C8orf34: variants seen among roughly 807,000 people sequenced by gnomAD.
C8orf34 encodes the protein chromosome 8 open reading frame 34.
C8orf34 carries 65 observed loss-of-function variants against 68.3 expected under a neutral mutation model. The observed-to-expected ratio is 0.95, with a 90% CI of 0.78 to 1.17. The LOEUF is 1.17. Among genes scored for constraint, C8orf34 ranks in the 50% most tolerant of loss-of-function variants. C8orf34 has a pLI of 0.00. For missense variants in C8orf34, 664 were observed against 655.4 expected, an observed-to-expected ratio of 1.01 and a Z score of -0.14; for synonymous variants, 244 against 241.2, an observed-to-expected ratio of 1.01 and a Z score of -0.11.
intron 2 of C8orf34, among the ~76,000 whole-genome samples, chr8:68,445,960 T>C (rs1483447474): frequency 6.6e-6 from 1 of 152,094 alleles, no homozygotes; most frequent in Non-Finnish European, 1.5e-5. Flanking sequence ...CGGCTAATTT[T>C]TGTGTTTTTA....
intron 1 of C8orf34, among the ~76,000 whole-genome samples, chr8:68,400,357 A>G (rs1808893459): frequency 6.6e-6 from 1 of 152,054 alleles, no homozygotes; most frequent in African/African-American, 2.4e-5. Flanking sequence ...GTAGGAGATA[A>G]GAATCTAGTT....
chr8:68,620,692 GAA>G (rs1313320372), intron 7 of C8orf34, among the ~76,000 whole-genome samples: 1 of 149,154 alleles, frequency 6.7e-6, no homozygotes, highest in African/African-American at 2.5e-5. Flanking sequence ...AGTTTACTGG[GAA>G]AAAAAAAAAG....
chr8:68,810,399 T>C (rs1585917865), intron 12 of C8orf34, among the ~76,000 whole-genome samples: 1 of 152,240 alleles, frequency 6.6e-6, no homozygotes, highest in East Asian at 1.9e-4. Flanking sequence ...GCCTGTAATC[T>C]TGGAGATGCC....
At chr8:68,759,580 T>G (rs1822968149) in intron 10 of C8orf34, among the ~76,000 whole-genome samples, 1 of 152,198 alleles carries the variant, frequency 6.6e-6, no homozygotes, top group African/African-American at 2.4e-5. Flanking sequence ...AAGAAGTACC[T>G]TGTCGGGGTC....
chr8:68,601,558 C>A (rs191994955), intron 7 of C8orf34, among the ~76,000 whole-genome samples: 102 of 152,148 alleles, frequency 6.7e-4, no homozygotes, highest in African/African-American at 2.4e-3. Flanking sequence ...ATATTTTTAA[C>A]TTTTATAATT....
intron 10 of C8orf34, among the ~76,000 whole-genome samples, chr8:68,722,824 G>T (rs915732662): frequency 6.6e-6 from 1 of 151,946 alleles, no homozygotes; most frequent in African/African-American, 2.4e-5. Flanking sequence ...GCATAGTTTA[G>T]CAATAATTCC....
chr8:68,648,343 A>G (rs1819241501), intron 8 of C8orf34, among the ~76,000 whole-genome samples: 1 of 152,246 alleles, frequency 6.6e-6, no homozygotes, highest in Admixed American at 6.5e-5. Flanking sequence ...AATTGTGAGC[A>G]TTGCATTAAG....
intron 10 of C8orf34, among the ~76,000 whole-genome samples, chr8:68,774,010 G>A (rs552523588): frequency 1.3e-5 from 2 of 152,104 alleles, no homozygotes; most frequent in Non-Finnish European, 2.9e-5. Context: ...TTCAGTGAGC[G>A]CCCAGAAACT....
At chr8:68,774,184 A>G (rs997363193) in intron 10 of C8orf34, among the ~76,000 whole-genome samples, 2 of 152,100 alleles carry the variant, frequency 1.3e-5, no homozygotes, top group Non-Finnish European at 2.9e-5. Flanking sequence ...TGATTAGCAC[A>G]TAAAGGACTG....
chr8:68,770,436 A>G (rs1563659291), intron 10 of C8orf34, among the ~76,000 whole-genome samples: 1 of 152,254 alleles, frequency 6.6e-6, no homozygotes, highest in Non-Finnish European at 1.5e-5. Flanking sequence ...GACTAGTTCA[A>G]TGGTAAATGG....
chr8:68,402,425 T>G (rs1809001021), intron 1 of C8orf34, among the ~76,000 whole-genome samples: 1 of 152,138 alleles, frequency 6.6e-6, no homozygotes, highest in Non-Finnish European at 1.5e-5. Flanking sequence ...CTCTGATCAT[T>G]GTTATTTGTT....
At chr8:68,611,153 T>A (rs1354991034) in intron 7 of C8orf34, among the ~76,000 whole-genome samples, 81 of 152,260 alleles carry the variant, frequency 5.3e-4, no homozygotes, top group Non-Finnish European at 1.0e-4. Flanking sequence ...CGTGAGCCAC[T>A]GTGCCCAGCC....
Position 68,420,447 on chromosome 8 carries a change from G to A in C8orf34, c.328-19052G>A, listed in dbSNP as rs191650247. On this transcript the variant is annotated intron_variant, in intron 1 of 13. Transcript: ENST00000518698. ...TTGTTAGCATCCACAGGTACCAGGC[G>A]CTACTTTCTACTTTCTGGAGGAAGG... Among the ~76,000 whole-genome samples, 15 of 152,162 alleles carry A rather than the reference G, an allele frequency of 9.9e-5. No individual in the cohort carries two copies. The East Asian group carries it at 1.5e-3, about 16-fold the overall frequency.
intron 13 of C8orf34, among the ~76,000 whole-genome samples, chr8:68,817,865 C>A (rs1228807977): frequency 2.0e-5 from 3 of 152,210 alleles, no homozygotes; most frequent in Non-Finnish European, 4.4e-5. Context: ...GGGGAGGAAC[C>A]CCTTATAAAA....
intron 7 of C8orf34, among the ~76,000 whole-genome samples, chr8:68,541,810 G>T (rs966121963): frequency 2.6e-5 from 4 of 151,906 alleles, no homozygotes; most frequent in African/African-American, 9.7e-5. Context: ...AATGAATCTT[G>T]GCCTATTCAC....
chr8:68,750,227 A>G (rs1051528830), intron 10 of C8orf34, among the ~76,000 whole-genome samples: 1 of 152,206 alleles, frequency 6.6e-6, no homozygotes, highest in Non-Finnish European at 1.5e-5. Context: ...CCCAACATAC[A>G]TGAACTAATG....
At chr8:68,377,548 G>A (rs1057185875) in intron 1 of C8orf34, among the ~76,000 whole-genome samples, 1 of 152,110 alleles carries the variant, frequency 6.6e-6, no homozygotes, top group Non-Finnish European at 1.5e-5. Context: ...AATTTTGCAG[G>A]ATTCTGCTAC....
intron 7 of C8orf34, among the ~76,000 whole-genome samples, chr8:68,567,979 A>T (rs1328460325): frequency 6.6e-6 from 1 of 151,954 alleles, no homozygotes; most frequent in East Asian, 1.9e-4. Flanking sequence ...TTGGGGGATT[A>T]TTAATTGGCC....
intron 7 of C8orf34, among the ~76,000 whole-genome samples, chr8:68,591,076 T>C (rs1817374975): frequency 6.6e-6 from 1 of 152,062 alleles, no homozygotes; most frequent in Admixed American, 6.6e-5. Flanking sequence ...TGCCACAAGG[T>C]CGTCAGGTCT....
Sources: allele counts gnomAD v4.1 joint callset (sites outside exome capture counted in the v4.1 genomes callset), GRCh38; gene constraint gnomAD v4.1.1; transcripts MANE v1.5; gene names NCBI Gene and HGNC (gene_info 2026-07-23, HGNC 2026-07-21).